AGTPBP1: variants seen among roughly 807,000 people sequenced by gnomAD.
The protein encoded by AGTPBP1 is cytosolic carboxypeptidase 1.
A neutral mutation model predicts 143.9 loss-of-function variants in AGTPBP1; 70 were observed. That is an observed-to-expected ratio of 0.49 (90% confidence interval 0.40 to 0.59). The LOEUF (loss-of-function observed/expected upper bound fraction) is 0.59, where lower values mean the gene tolerates loss of function less well. Ranked by LOEUF, AGTPBP1 falls within the 20% of genes least tolerant of loss-of-function variation. The probability of loss-of-function intolerance (pLI) is 0.00; values close to 1 mark genes in which losing one functional copy is unlikely to be tolerated. For missense variants in AGTPBP1, 1,229 were observed against 1,464.5 expected (o/e 0.84, Z 2.62); for synonymous variants, 463 against 500.2 (o/e 0.93, Z 0.99).
At chr9:85,738,797 C>T (rs1044387444) in intron 1 of AGTPBP1, among the ~76,000 whole-genome samples, 1 of 152,004 alleles carries the variant, frequency 6.6e-6, no homozygotes, top group Non-Finnish European at 1.5e-5. Flanking sequence ...TCTCATTTAA[C>T]CCCAAAGGAG....
intron 18 of AGTPBP1, among the ~76,000 whole-genome samples, chr9:85,593,498 GA>G (rs956875206): frequency 6.6e-6 from 1 of 152,154 alleles, no homozygotes; most frequent in Non-Finnish European, 1.5e-5. Context: ...GGCAATCGGG[GA>G]AGTCTGAACA....
intron 8 of AGTPBP1, among the ~76,000 whole-genome samples, chr9:85,665,127 T>C (rs982869354): frequency 1.3e-5 from 2 of 152,164 alleles, no homozygotes; most frequent in Non-Finnish European, 2.9e-5. Flanking sequence ...CCTCCAAATA[T>C]GACCTTATTG....
chr9:85,658,234 G>C (rs1833649029), intron 9 of AGTPBP1, among the ~76,000 whole-genome samples: 1 of 151,942 alleles, frequency 6.6e-6, no homozygotes, highest in South Asian at 2.1e-4. Context: ...TTTAGTAAAT[G>C]AAATTTAAGG....
At position 85,675,811 on chromosome 9, in the gene AGTPBP1, G is replaced by A. The variant is rs138481531; in HGVS notation, c.436+1625C>T. Among the ~76,000 whole-genome samples, 761 of 152,294 alleles carry A rather than the reference G, an allele frequency of 5.0e-3. 3 individuals are homozygous for A. The highest frequency in any genetic ancestry group is 9.1e-3 in the Admixed American group (139 of 15,298). The stretch of plus-strand genomic sequence containing the variant: ...GAGGCCAAGGTGGGCGGATCATGAG[G>A]TCTGGAGTTTGAGACCATCCTGGCC... On this transcript the variant is annotated intron_variant, in intron 6 of 25. Transcript: ENST00000357081.
chr9:85,599,298 T>C (rs758315245), intron 17 of AGTPBP1, among the ~76,000 whole-genome samples: 8 of 152,220 alleles, frequency 5.3e-5, no homozygotes, highest in Non-Finnish European at 1.0e-4. Flanking sequence ...GGTTTATTCA[T>C]AGTTGGTGAT....
intron 14 of AGTPBP1, among the ~76,000 whole-genome samples, chr9:85,627,318 G>C (rs985771267): frequency 1.3e-5 from 2 of 152,096 alleles, no homozygotes; most frequent in African/African-American, 4.8e-5. Context: ...AGAGCATCCT[G>C]CCCTGCCCTG....
rs1394369623 is a variant in AGTPBP1 at position 85,588,378 on chromosome 9, G to A, written c.2823C>T (p.Asn941=). 3.7e-6 allele frequency: 6 copies of A among 1,613,256 alleles called. No individual in the cohort carries two copies. Among genetic ancestry groups the A allele is most frequent in the Non-Finnish European group, 3.4e-6 (4 of 1,179,532 alleles). The change falls in exon 21 of 26, where the codon AAC becomes AAT. Residue 941 remains asparagine (N), a synonymous_variant. Coordinates refer to ENST00000357081, the MANE Select transcript of AGTPBP1 (RefSeq NM_001330701.2). ...ATTCTCGTAAGCTCTGAGCAGTGGG[G>A]TTATTGCTCATGAGATATTCCAACG... ...KGTLEYLMSN[N]PTAQSLRESY... is the part of the protein sequence containing the mutation.
At chr9:85,631,950 A>G (rs1831706723) in intron 14 of AGTPBP1, among the ~76,000 whole-genome samples, 1 of 152,194 alleles carries the variant, frequency 6.6e-6, no homozygotes. Flanking sequence ...TATTGATGTT[A>G]TGAATCCTGT....
chr9:85,785,983 G>A, the AGTPBP1 span: 1 of 727,890 alleles, frequency 1.4e-6, no homozygotes, highest in Non-Finnish European at 2.2e-6. Context: ...TAACAAAAAA[G>A]TTGAACAACA....
At chr9:85,726,280 A>G (rs1838486569) in intron 1 of AGTPBP1, among the ~76,000 whole-genome samples, 1 of 151,938 alleles carries the variant, frequency 6.6e-6, no homozygotes. Flanking sequence ...TACATGTTGC[A>G]ACTCAGTTAC....
chr9:85,593,970 A>G (rs1199831976), intron 18 of AGTPBP1, among the ~76,000 whole-genome samples: 1 of 152,322 alleles, frequency 6.6e-6, no homozygotes, highest in Non-Finnish European at 1.5e-5. Context: ...CATGCACATA[A>G]ATGTTCAAAG....
intron 6 of AGTPBP1, 56 bp downstream of exon 6, chr9:85,677,380 A>T (rs1480691545): frequency 2.7e-6 from 4 of 1,501,848 alleles, no homozygotes; most frequent in Non-Finnish European, 3.6e-6. Context: ...AGGTGAGAGA[A>T]TCACTGTTAC....
At chr9:85,578,884 A>AT (rs1271967796) in intron 24 of AGTPBP1, 36 bp downstream of exon 24, 1 of 1,594,400 alleles carries the variant, frequency 6.3e-7, no homozygotes, top group Non-Finnish European at 8.5e-7. Flanking sequence ...AAGTCTTCAA[A>AT]TATCTTTCAT....
In AGTPBP1 at chr9:85,560,916, G is replaced by A. The variant is rs567662733; in HGVS notation, c.3504-13630C>T. 2.0e-5 allele frequency among the ~76,000 whole-genome samples: 3 copies of A among 152,254 alleles called. No individual in the cohort carries two copies. In the East Asian group the frequency reaches 5.8e-4, roughly 29 times the overall value. On this transcript the variant is annotated intron_variant, in intron 25 of 25. Coordinates refer to ENST00000357081, the MANE Select transcript of AGTPBP1 (RefSeq NM_001330701.2). ...AATGAAGGCAGGAACAATGTTTGAA[G>A]AGAATATAGCTAAGAATTTCCCAAA...
intron 11 of AGTPBP1, among the ~76,000 whole-genome samples, chr9:85,649,814 GATAAT>G (rs1833038276): frequency 6.6e-6 from 1 of 152,040 alleles, no homozygotes; most frequent in Admixed American, 6.6e-5. Context: ...TTGATCTACT[GATAAT>G]ATATTTTACT....
intron 2 of AGTPBP1, 54 bp downstream of exon 2, chr9:85,712,446 TTC>T: frequency 2.2e-6 from 2 of 911,596 alleles, no homozygotes; most frequent in Non-Finnish European, 3.2e-6. Context: ...TTTCAAGTAA[TTC>T]TGTCATACAT....
intron 17 of AGTPBP1, 53 bp downstream of exon 17, chr9:85,618,930 C>A: frequency 1.3e-6 from 2 of 1,496,780 alleles, no homozygotes; most frequent in East Asian, 2.4e-5. Context: ...AACTTCTTTT[C>A]CACAGTTAAG....
At chr9:85,697,835 GAAAAAGGTTCTAAAGCCAA>G (rs1379008430) in intron 2 of AGTPBP1, among the ~76,000 whole-genome samples, 1 of 152,092 alleles carries the variant, frequency 6.6e-6, no homozygotes, top group Non-Finnish European at 1.5e-5. Context: ...ACTTATAATA[GAAAAAGGTTCTAAAGCCAA>G]AAAGTTTGAT....
chr9:85,716,467 C>A (rs1259562382), intron 1 of AGTPBP1, among the ~76,000 whole-genome samples: 1 of 152,144 alleles, frequency 6.6e-6, no homozygotes, highest in African/African-American at 2.4e-5. Context: ...CGGATCTGAC[C>A]TTCCCTTCCA....
Sources: allele counts gnomAD v4.1 joint callset (sites outside exome capture counted in the v4.1 genomes callset), GRCh38; gene constraint gnomAD v4.1.1; transcripts MANE v1.5; gene names NCBI Gene and HGNC (gene_info 2026-07-23, HGNC 2026-07-21).